Variants in RNF185 observed in about 807,000 individuals in gnomAD.
RNF185 encodes ring finger protein 185.
RNF185 carries 13 observed loss-of-function variants against 24.9 expected under a neutral mutation model. The observed-to-expected ratio is 0.52, with a 90% CI of 0.34 to 0.83. RNF185 has a LOEUF of 0.83. RNF185 is among the 40% of genes least tolerant of loss of function. RNF185 has a pLI of 0.01. For synonymous variants in RNF185, 79 were observed against 90.3 expected, an observed-to-expected ratio of 0.88 and a Z score of 0.71; for missense variants, 184 against 244.7, an observed-to-expected ratio of 0.75 and a Z score of 1.65.
chr22:31,204,360 A>G lies in RNF185; in HGVS notation c.482-129A>G, dbSNP rs190310850. The stretch of plus-strand genomic sequence containing the variant: ...TACATTTCAAAAAAAAAAAAAAGAA[A>G]TCTTTTTGTGTGTAGGATTCTGATG... On this transcript the variant is annotated intron_variant, in intron 6 of 6. Coordinates refer to ENST00000326132, the MANE Select transcript of RNF185 (RefSeq NM_152267.4). 1,289 of 653,594 alleles carry G rather than the reference A, an allele frequency of 2.0e-3. 7 individuals are homozygous for G. The highest frequency in any genetic ancestry group is 2.9e-3 in the Non-Finnish European group (1,057 of 362,832). The allele number at this position is 653,594 out of a possible 1,614,324, so 40.5% of individuals were successfully genotyped here. A position where few individuals can be genotyped will look rare whatever the true frequency, so the allele number is the denominator to read the frequency against.
At chr22:31,185,836 G>T (rs535263306) in intron 1 of RNF185, among the ~76,000 whole-genome samples, 1 of 152,108 alleles carries the variant, frequency 6.6e-6, no homozygotes, top group Non-Finnish European at 1.5e-5. Flanking sequence ...GGAGGTGGTG[G>T]TCAACAGTGG....
At chr22:31,170,566 G>A (rs567455422) in intron 1 of RNF185, among the ~76,000 whole-genome samples, 2 of 151,396 alleles carry the variant, frequency 1.3e-5, no homozygotes, top group Admixed American at 6.6e-5. Context: ...GGTGGAGTGC[G>A]GTAGTATGAT....
chr22:31,204,283 C>CA (rs1314016099), intron 6 of RNF185, among the ~76,000 whole-genome samples: 4 of 150,910 alleles, frequency 2.7e-5, no homozygotes, highest in Admixed American at 6.6e-5. Flanking sequence ...GCGGAGGTTG[C>CA]AGTGAGCTGA....
Position 31,187,905 on chromosome 22 carries a change from G to C in RNF185, c.176+635G>C, listed in dbSNP as rs2048115187. ...CTGAGAACCTAGGTGCTAGGTGAAG[G>C]TCGGATTTTGGTTTTTTGTGTGTGT... is the stretch of plus-strand genomic sequence containing the variant. On this transcript the variant is annotated intron_variant, in intron 2 of 6. Coordinates refer to ENST00000326132, the MANE Select transcript of RNF185 (RefSeq NM_152267.4). Among the ~76,000 whole-genome samples, 3 of 141,614 alleles carry C rather than the reference G, an allele frequency of 2.1e-5. No individual in the cohort carries two copies. The South Asian group carries it at 7.0e-4, about 33-fold the overall frequency. 92.9% of individuals were successfully genotyped at this position (141,614 alleles called of 152,430 possible).
chr22:31,181,595 GA>G (rs2048037151), intron 1 of RNF185, among the ~76,000 whole-genome samples: 1 of 152,080 alleles, frequency 6.6e-6, no homozygotes, highest in Admixed American at 6.6e-5. Context: ...TAAAGACTTG[GA>G]ACCAAGCCAG....
Position 31,172,748 on chromosome 22 carries a change from CAAAAAAAAAAA to C in RNF185, c.-49+12455_-49+12465del, listed in dbSNP as rs35573590. 6.6e-4 allele frequency among the ~76,000 whole-genome samples: 64 copies of C among 97,708 alleles called. No homozygotes were observed. The Admixed American group carries it at 6.8e-3, about 10-fold the overall frequency. 64.1% of individuals were successfully genotyped at this position (97,708 alleles called of 152,430 possible). The stretch of plus-strand genomic sequence containing the variant: ...TGAGCAACAGAGTGAGACCCCGTCT[CAAAAAAAAAAA>C]AAAAAAAAAGCAAAACCCTTATTTT... On this transcript the variant is annotated intron_variant, in intron 1 of 6. Coordinates refer to ENST00000326132, the MANE Select transcript of RNF185 (RefSeq NM_152267.4).
At chr22:31,175,612 T>G (rs924662833) in intron 1 of RNF185, among the ~76,000 whole-genome samples, 1 of 152,144 alleles carries the variant, frequency 6.6e-6, no homozygotes, top group African/African-American at 2.4e-5. Flanking sequence ...ATATAAATAC[T>G]TTGACCCTGC....
chr22:31,171,775 C>T (rs908633427), intron 1 of RNF185, among the ~76,000 whole-genome samples: 65 of 151,972 alleles, frequency 4.3e-4, no homozygotes, highest in African/African-American at 1.6e-3. Flanking sequence ...TTGAGACCAG[C>T]CTGACCAACA....
chr22:31,192,257 A>C (rs1223018105), intron 2 of RNF185, among the ~76,000 whole-genome samples: 2 of 152,182 alleles, frequency 1.3e-5, no homozygotes, highest in African/African-American at 2.4e-5. Flanking sequence ...AATTGAGTGT[A>C]AAATAGTGTG....
intron 2 of RNF185, among the ~76,000 whole-genome samples, chr22:31,188,423 C>T (rs556589903): frequency 3.3e-5 from 5 of 152,026 alleles, no homozygotes; most frequent in South Asian, 2.1e-4. Context: ...TTCAGGGTAT[C>T]GTAAAACCAG....
At chr22:31,173,650 T>A (rs2047953947) in intron 1 of RNF185, among the ~76,000 whole-genome samples, 1 of 152,122 alleles carries the variant, frequency 6.6e-6, no homozygotes, top group South Asian at 2.1e-4. Flanking sequence ...TTATTTAACA[T>A]CCCAAGGGAT....
chr22:31,189,184 T>C (rs546342234), intron 2 of RNF185, among the ~76,000 whole-genome samples: 45 of 148,966 alleles, frequency 3.0e-4, no homozygotes, highest in Admixed American at 2.7e-3. Flanking sequence ...TGTATGTATT[T>C]ATTAAATTTT....
At chr22:31,204,356 A>AT in intron 6 of RNF185, 133 bp from the exon 7 acceptor site, 1 of 639,972 alleles carries the variant, frequency 1.6e-6, no homozygotes, top group East Asian at 2.7e-5. Context: ...AAAAAAAAAA[A>AT]GAAATCTTTT....
At chr22:31,175,051 G>A (rs540576408) in intron 1 of RNF185, among the ~76,000 whole-genome samples, 4 of 145,478 alleles carry the variant, frequency 2.7e-5, no homozygotes, top group East Asian at 2.1e-4. Flanking sequence ...TCAGTTGGGC[G>A]ACAGAGCGAG....
At chr22:31,166,065 C>A (rs1923901571) in intron 1 of RNF185, among the ~76,000 whole-genome samples, 1 of 152,128 alleles carries the variant, frequency 6.6e-6, no homozygotes, top group African/African-American at 2.4e-5. Flanking sequence ...AGTGTTGACT[C>A]ACTGCAGCCT....
chr22:31,202,081 T>C (rs1303134420), intron 6 of RNF185, among the ~76,000 whole-genome samples: 1 of 152,150 alleles, frequency 6.6e-6, no homozygotes, highest in Non-Finnish European at 1.5e-5. Context: ...CTCTGGCATC[T>C]CTGTCTAGCT....
intron 1 of RNF185, among the ~76,000 whole-genome samples, chr22:31,184,596 A>G (rs1235305821): frequency 6.6e-5 from 10 of 151,408 alleles, no homozygotes; most frequent in African/African-American, 1.7e-4. Context: ...GCGATCCGAG[A>G]TCACGCCACT....
intron 1 of RNF185, among the ~76,000 whole-genome samples, chr22:31,170,444 C>G (rs551317358): frequency 6.6e-6 from 1 of 152,308 alleles, no homozygotes; most frequent in Admixed American, 6.5e-5. Context: ...CCGCCTTGGC[C>G]TCCCAAAGTG....
At chr22:31,174,987 C>T (rs919283018) in intron 1 of RNF185, among the ~76,000 whole-genome samples, 2 of 150,992 alleles carry the variant, frequency 1.3e-5, no homozygotes, top group Non-Finnish European at 2.9e-5. Context: ...ATGGGAGGAT[C>T]GCTTGAACCC....
Sources: allele counts gnomAD v4.1 joint callset (sites outside exome capture counted in the v4.1 genomes callset), GRCh38; gene constraint gnomAD v4.1.1; transcripts MANE v1.5; gene names NCBI Gene and HGNC (gene_info 2026-07-23, HGNC 2026-07-21).